Variants in HUNK observed in about 807,000 individuals in gnomAD.
HUNK encodes hormonally up-regulated Neu-associated kinase.
In HUNK, 21 loss-of-function variants were observed where a neutral mutation model predicts 61.0. That is an observed-to-expected ratio of 0.34 (90% CI 0.24 to 0.50). The LOEUF is 0.50. Among genes scored for constraint, HUNK ranks in the 20% least tolerant of loss-of-function variants. The probability of loss-of-function intolerance (pLI) is 0.98; values close to 1 mark genes in which losing one functional copy is unlikely to be tolerated. For synonymous variants in HUNK, 371 were observed against 386.1 expected (o/e 0.96, Z 0.46); for missense variants, 772 against 945.7 (o/e 0.82, Z 2.41).
chr21:31,997,103 G>A (rs1306504851), intron 10 of HUNK, among the ~76,000 whole-genome samples: 1 of 152,242 alleles, frequency 6.6e-6, no homozygotes, highest in African/African-American at 2.4e-5. Context: ...ATCCCAGTGG[G>A]CAGGAGCTTG....
At chr21:31,908,670 G>A (rs1329555783) in intron 1 of HUNK, among the ~76,000 whole-genome samples, 2 of 152,186 alleles carry the variant, frequency 1.3e-5, no homozygotes, top group African/African-American at 2.4e-5. Context: ...CTGGCGAGGG[G>A]TGGTTGTGCA....
chr21:31,903,695 C>T (rs2052485585), intron 1 of HUNK, among the ~76,000 whole-genome samples: 2 of 152,142 alleles, frequency 1.3e-5, no homozygotes, highest in Admixed American at 6.6e-5. Flanking sequence ...TAAAATTTAC[C>T]CCTCCGTTAA....
At chr21:31,947,924 A>G (rs2052820922) in intron 4 of HUNK, among the ~76,000 whole-genome samples, 1 of 152,198 alleles carries the variant, frequency 6.6e-6, no homozygotes, top group Admixed American at 6.5e-5. Context: ...ATCTCTTCAT[A>G]TTCACTGTAA....
At chr21:31,899,412 G>C (rs2052447967) in intron 1 of HUNK, among the ~76,000 whole-genome samples, 1 of 152,072 alleles carries the variant, frequency 6.6e-6, no homozygotes, top group South Asian at 2.1e-4. Context: ...GTCTCTGCCT[G>C]CAAATTCGCG....
At chr21:31,929,396 TTTA>T (rs1209613921) in intron 2 of HUNK, among the ~76,000 whole-genome samples, 1 of 152,182 alleles carries the variant, frequency 6.6e-6, no homozygotes, top group African/African-American at 2.4e-5. Context: ...TTCTAACTTC[TTTA>T]TTATTCTATT....
chr21:31,961,803 GA>G (rs1273964409), intron 5 of HUNK, among the ~76,000 whole-genome samples: 35 of 152,322 alleles, frequency 2.3e-4, no homozygotes, highest in African/African-American at 8.4e-4. Flanking sequence ...CCACAGTGGG[GA>G]AAGGCAGACA....
At chr21:31,991,157 G>C (rs2053169746) in intron 9 of HUNK, among the ~76,000 whole-genome samples, 1 of 152,162 alleles carries the variant, frequency 6.6e-6, no homozygotes. Flanking sequence ...CCACCTGTAT[G>C]AGAAATGGAG....
chr21:31,966,654 T>A (rs2052968642), intron 5 of HUNK, among the ~76,000 whole-genome samples: 1 of 152,224 alleles, frequency 6.6e-6, no homozygotes, highest in Non-Finnish European at 1.5e-5. Flanking sequence ...GACAAAAGGC[T>A]CAGCATTTCC....
chr21:31,888,037 C>T (rs1024642882), intron 1 of HUNK, among the ~76,000 whole-genome samples: 2 of 152,128 alleles, frequency 1.3e-5, no homozygotes, highest in African/African-American at 4.8e-5. Flanking sequence ...ACAACTTACT[C>T]TTCATAGTAG....
intron 6 of HUNK, among the ~76,000 whole-genome samples, chr21:31,970,602 G>C (rs1053873978): frequency 6.6e-6 from 1 of 152,160 alleles, no homozygotes; most frequent in Admixed American, 6.5e-5. Flanking sequence ...GGGCCTTGCT[G>C]GTGGCCACAT....
rs1464163669 is a variant in HUNK at position 31,962,407 on chromosome 21, C to CT, written c.874+3438dup. Among the ~76,000 whole-genome samples the CT allele has an allele frequency of 2.0e-5, 3 of 152,334 alleles. No individual in the cohort carries two copies. The East Asian group carries it at 5.8e-4, about 29-fold the overall frequency. On this transcript the variant is annotated intron_variant, in intron 5 of 10. Coordinates refer to ENST00000270112, the MANE Select transcript of HUNK (RefSeq NM_014586.2). ...TCACGCAGTCTTAGCAGGCTGGGCT[C>CT]TAAGTGTTTTTTGTGAAAATTAAAT... is the stretch of plus-strand genomic sequence containing the variant.
chr21:31,878,965 G>C (rs1001908133), intron 1 of HUNK, among the ~76,000 whole-genome samples: 3 of 152,142 alleles, frequency 2.0e-5, no homozygotes, highest in African/African-American at 7.2e-5. Context: ...AGAATAATAA[G>C]CCGGCTTGTC....
chr21:31,914,408 CAAAAAAAAA>C (rs35023797), intron 1 of HUNK, among the ~76,000 whole-genome samples: 9 of 39,828 alleles, frequency 2.3e-4, no homozygotes, highest in Admixed American at 4.5e-4. Context: ...AACTCTGTCT[CAAAAAAAAA>C]AAAAAAAAAA....
chr21:31,987,670 G>T (rs2053143377), intron 8 of HUNK, among the ~76,000 whole-genome samples: 1 of 152,208 alleles, frequency 6.6e-6, no homozygotes, highest in African/African-American at 2.4e-5. Flanking sequence ...AATTTTCTAT[G>T]ATCCATTTGT....
chr21:31,962,035 G>A (rs1201417845), intron 5 of HUNK, among the ~76,000 whole-genome samples: 1 of 152,228 alleles, frequency 6.6e-6, no homozygotes, highest in African/African-American at 2.4e-5. Flanking sequence ...AGGGCCCAAG[G>A]CTGATGGAGC....
intron 6 of HUNK, among the ~76,000 whole-genome samples, chr21:31,969,437 C>T (rs1368323990): frequency 6.6e-6 from 1 of 152,182 alleles, no homozygotes; most frequent in Admixed American, 6.5e-5. Flanking sequence ...TATCAGTTTC[C>T]ATGAGGAGGG....
At chr21:31,942,918 G>T (rs1450130568) in intron 3 of HUNK, among the ~76,000 whole-genome samples, 1 of 152,110 alleles carries the variant, frequency 6.6e-6, no homozygotes, top group Non-Finnish European at 1.5e-5. Flanking sequence ...ACTGCATTTT[G>T]TTAAGAAAGA....
chr21:31,998,866 G>A lies in HUNK; in HGVS notation c.1827G>A (p.Ser609=), dbSNP rs144923714. 8.1e-6 allele frequency: 13 copies of A among 1,614,026 alleles called. No individual in the cohort carries two copies. The highest frequency in any genetic ancestry group is 1.1e-5 in the South Asian group (1 of 91,078). The change falls in exon 11 of 11, where the codon TCG becomes TCA. Residue 609 remains serine (S), a synonymous_variant. Coordinates refer to ENST00000270112, the MANE Select transcript of HUNK (RefSeq NM_014586.2). ...CGGGTCTGCCATCCGGAAGCATGTC[G>A]CCTCTCCATACTCCTTTGCATCCAA... ...LSPGLPSGSM[S]PLHTPLHPTL... is the part of the protein sequence containing the mutation.
chr21:31,931,068 CA>C (rs10673838), intron 2 of HUNK, among the ~76,000 whole-genome samples: 290 of 75,148 alleles, frequency 3.9e-3, no homozygotes, highest in East Asian at 9.4e-3. Flanking sequence ...AAGACCTAAC[CA>C]AAAAAAAAAA....
Sources: gnomAD v4.1 joint callset for allele counts (sites outside exome capture counted in the v4.1 genomes callset) on GRCh38, gnomAD v4.1.1 for gene constraint, MANE v1.5 for transcripts, NCBI Gene and HGNC (gene_info 2026-07-23, HGNC 2026-07-21) for gene names.